The following ARHGEF7 variants were observed in gnomAD, a reference collection of about 807,000 sequenced individuals.
ARHGEF7 encodes Rho guanine nucleotide exchange factor 7.
ARHGEF7 carries 33 observed loss-of-function variants against 109.8 expected under a neutral mutation model. That is an observed-to-expected ratio of 0.30 (90% CI 0.23 to 0.40). The LOEUF (loss-of-function observed/expected upper bound fraction) is 0.40. Among genes scored for constraint, ARHGEF7 ranks in the 10% least tolerant of loss-of-function variants. The probability of loss-of-function intolerance (pLI) is 1.00; values close to 1 mark genes in which losing one functional copy is unlikely to be tolerated. For synonymous variants in ARHGEF7, 458 were observed against 424.6 expected (o/e 1.08, Z -0.97); for missense variants, 938 against 1,098.5 (o/e 0.85, Z 2.07).
chr13:111,184,393 C>G (rs1340344775), intron 2 of ARHGEF7, among the ~76,000 whole-genome samples: 1 of 152,190 alleles, frequency 6.6e-6, no homozygotes, highest in Non-Finnish European at 1.5e-5. Context: ...TGTCCTGGTC[C>G]TTTGGCTAGA....
rs2093619845 is a variant in ARHGEF7 at position 111,304,266 on chromosome 13, C to CGA, written c.*1153_*1154insGA. The CGA allele has an allele frequency of 6.6e-6, 1 of 152,292 alleles. No homozygotes were observed. The highest frequency in any genetic ancestry group is 1.5e-5 in the Non-Finnish European group (1 of 68,070). The allele number at this position is 152,292 out of a possible 1,614,324, so 9.4% of individuals were successfully genotyped here. A position where few individuals can be genotyped will look rare whatever the true frequency, so the allele number is the denominator to read the frequency against. On this transcript the variant is annotated 3_prime_UTR_variant, in exon 22 of 22. Coordinates refer to ENST00000646102, the MANE Select transcript of ARHGEF7 (RefSeq NM_001354046.2). ...GTGCAGAGGAGACGAAGCCTGTCCT[C>CGA]ACCGCGGCTCGCTGGGCCCAGGCTG... is the stretch of plus-strand genomic sequence containing the variant.
chr13:111,130,360 C>T (rs1024456868), intron 1 of ARHGEF7, among the ~76,000 whole-genome samples: 4 of 152,178 alleles, frequency 2.6e-5, no homozygotes, highest in African/African-American at 7.2e-5. Context: ...TACCTCAATA[C>T]GGCATATGAC....
chr13:111,275,957 G>A, intron 12 of ARHGEF7: 1 of 415,836 alleles, frequency 2.4e-6, no homozygotes, highest in South Asian at 2.1e-5. Context: ...AGAAAGACTT[G>A]CAGGAGTCCT....
At chr13:111,174,995 T>C (rs1404535915) in intron 2 of ARHGEF7, among the ~76,000 whole-genome samples, 2 of 152,206 alleles carry the variant, frequency 1.3e-5, no homozygotes, top group Non-Finnish European at 2.9e-5. Flanking sequence ...TCCTCCTGTG[T>C]TGGGAGCATA....
chr13:111,179,566 T>C (rs9515381), intron 2 of ARHGEF7, among the ~76,000 whole-genome samples: 51,347 of 152,132 alleles, frequency 0.34, 9,336 homozygotes, highest in Middle Eastern at 0.42. Context: ...TATCCTATAA[T>C]GTTATCGCTT....
intron 13 of ARHGEF7, 135 bp from the exon 14 acceptor site, chr13:111,280,137 A>G (rs925306542): frequency 4.6e-6 from 4 of 861,904 alleles, no homozygotes; most frequent in South Asian, 1.8e-5. Flanking sequence ...CATCTGCTAC[A>G]AATGAGCTTT....
At chr13:111,138,734 T>C (rs2075205602) in intron 1 of ARHGEF7, among the ~76,000 whole-genome samples, 1 of 152,186 alleles carries the variant, frequency 6.6e-6, no homozygotes. Context: ...CAGTGGCCAA[T>C]TGAGGGTCCA....
At chr13:111,133,465 G>T (rs1258602638) in intron 1 of ARHGEF7, among the ~76,000 whole-genome samples, 1 of 151,846 alleles carries the variant, frequency 6.6e-6, no homozygotes, top group African/African-American at 2.4e-5. Flanking sequence ...GGGTTGGTTT[G>T]GTTTTCCTCC....
intron 18 of ARHGEF7, among the ~76,000 whole-genome samples, chr13:111,291,451 T>TGCACCCTC (rs1349673975): frequency 3.9e-5 from 6 of 152,206 alleles, no homozygotes; most frequent in African/African-American, 1.4e-4. Context: ...CGGGCTAAGC[T>TGCACCCTC]CCAGCGCGCC....
intron 1 of ARHGEF7, among the ~76,000 whole-genome samples, chr13:111,117,256 G>A (rs1035945538): frequency 3.9e-5 from 6 of 152,192 alleles, no homozygotes; most frequent in Non-Finnish European, 7.3e-5. Context: ...TTGATTGGCC[G>A]ACTTCAATAA....
At chr13:111,179,580 C>T (rs2078539054) in intron 2 of ARHGEF7, among the ~76,000 whole-genome samples, 1 of 152,158 alleles carries the variant, frequency 6.6e-6, no homozygotes, top group African/African-American at 2.4e-5. Context: ...ATCGCTTATG[C>T]AACCCATATT....
At chr13:111,251,134 A>G (rs1039403050) in intron 8 of ARHGEF7, among the ~76,000 whole-genome samples, 1 of 152,168 alleles carries the variant, frequency 6.6e-6, no homozygotes, top group East Asian at 1.9e-4. Context: ...TAAGCTGTCT[A>G]GGGGCCGACC....
chr13:111,170,749 G>A (rs545645060), intron 2 of ARHGEF7, among the ~76,000 whole-genome samples: 1 of 152,196 alleles, frequency 6.6e-6, no homozygotes, highest in Non-Finnish European at 1.5e-5. Context: ...CTCTGATGAC[G>A]GATGGTGCCC....
At chr13:111,241,329 G>T (rs1286711896) in intron 6 of ARHGEF7, 1 of 1,536,068 alleles carries the variant, frequency 6.5e-7, no homozygotes, top group East Asian at 2.4e-5. Flanking sequence ...AGGAGGGGAA[G>T]AAAGGTGGTA....
intron 2 of ARHGEF7, among the ~76,000 whole-genome samples, chr13:111,174,929 C>CT (rs924782323): frequency 3.3e-5 from 5 of 152,230 alleles, no homozygotes; most frequent in African/African-American, 1.2e-4. Flanking sequence ...CGGGTGAAAC[C>CT]TAAAAGCTCC....
rs1409855627 is a variant in ARHGEF7, at chr13:111,304,151, CCT to C, written c.*1040_*1041del. On this transcript the variant is annotated 3_prime_UTR_variant, in exon 22 of 22. Transcript: ENST00000646102. ...TCAGTGCTCACCGAAAGTAAAATCC[CCT>C]CCTTCAGCAAGAATAAAGCAATATA... is the stretch of plus-strand genomic sequence containing the variant. 1.3e-5 allele frequency: 2 copies of C among 152,238 alleles called. No homozygotes were observed. The highest frequency in any genetic ancestry group is 2.9e-5 in the Non-Finnish European group (2 of 68,062). 9.4% of individuals were successfully genotyped at this position (152,238 alleles called of 1,614,324 possible). A position where few individuals can be genotyped will look rare whatever the true frequency, so the allele number is the denominator to read the frequency against.
intron 4 of ARHGEF7, among the ~76,000 whole-genome samples, chr13:111,216,000 A>G (rs890568479): frequency 1.3e-5 from 2 of 152,160 alleles, no homozygotes; most frequent in African/African-American, 4.8e-5. Flanking sequence ...GTATATCTGC[A>G]GGTGTCTGTT....
At chr13:111,232,504 TGGCAGGTGTTTCTTC>T (rs1465123597) in intron 5 of ARHGEF7, among the ~76,000 whole-genome samples, 7 of 152,222 alleles carry the variant, frequency 4.6e-5, no homozygotes, top group South Asian at 4.1e-4. Context: ...AGGTTTTGTT[TGGCAGGTGTTTCTTC>T]GGCAGGTGTT....
At chr13:111,136,981 A>C (rs1182748262) in intron 1 of ARHGEF7, among the ~76,000 whole-genome samples, 1 of 152,244 alleles carries the variant, frequency 6.6e-6, no homozygotes, top group African/African-American at 2.4e-5. Context: ...ACGCAAATAA[A>C]CTAGAAAATC....
Sources: allele counts gnomAD v4.1 joint callset (sites outside exome capture counted in the v4.1 genomes callset), GRCh38; gene constraint gnomAD v4.1.1; transcripts MANE v1.5; gene names NCBI Gene and HGNC (gene_info 2026-07-23, HGNC 2026-07-21).